The following ADCY8 variants were observed in gnomAD, a reference collection of about 807,000 sequenced individuals.
ADCY8 encodes the protein adenylate cyclase 8.
A neutral mutation model predicts 119.7 loss-of-function variants in ADCY8; 51 were observed. The observed-to-expected ratio is 0.43, with a 90% CI of 0.34 to 0.54. The LOEUF is 0.54. Among genes scored for constraint, ADCY8 ranks in the 20% least tolerant of loss-of-function variants. ADCY8 has a pLI of 0.03. For missense variants in ADCY8, 1,383 were observed against 1,598.8 expected, an observed-to-expected ratio of 0.87 and a Z score of 2.30; for synonymous variants, 665 against 651.0, an observed-to-expected ratio of 1.02 and a Z score of -0.33.
At chr8:131,003,952 A>G (rs1254801486) in intron 1 of ADCY8, among the ~76,000 whole-genome samples, 3 of 152,166 alleles carry the variant, frequency 2.0e-5, no homozygotes, top group Non-Finnish European at 4.4e-5. Flanking sequence ...ATATTTACTT[A>G]TTTACTGCCT....
intron 5 of ADCY8, among the ~76,000 whole-genome samples, chr8:130,910,372 A>G (rs925004288): frequency 6.6e-6 from 1 of 151,978 alleles, no homozygotes; most frequent in Admixed American, 6.5e-5. Flanking sequence ...TCCATTTCCA[A>G]CCAAAATGTC....
At chr8:130,859,665 C>T (rs933379955) in intron 9 of ADCY8, among the ~76,000 whole-genome samples, 2 of 152,098 alleles carry the variant, frequency 1.3e-5, no homozygotes, top group Non-Finnish European at 2.9e-5. Context: ...GTTTTAAAGC[C>T]TGTATATATT....
intron 5 of ADCY8, among the ~76,000 whole-genome samples, chr8:130,920,664 G>A (rs1820274009): frequency 6.6e-6 from 1 of 152,222 alleles, no homozygotes; most frequent in African/African-American, 2.4e-5. Context: ...TTAATTTTAT[G>A]TGTCAATTTG....
chr8:130,844,683 C>T lies in ADCY8; in HGVS notation c.2502+2741G>A, dbSNP rs115855686. On this transcript the variant is annotated intron_variant, in intron 11 of 17. Coordinates refer to ENST00000286355, the MANE Select transcript of ADCY8 (RefSeq NM_001115.3). Reference sequence around the variant, plus strand: ...ATGTGTGCGCACATACACATGCACACGTATATGCACACACACATACATACA... The same window carrying T: ...ATGTGTGCGCACATACACATGCACATGTATATGCACACACACATACATACA... Among the ~76,000 whole-genome samples, 325 of 152,262 alleles carry T rather than the reference C, an allele frequency of 2.1e-3. 2 individuals carry two copies. Among genetic ancestry groups the T allele is most frequent in the African/African-American group, 7.6e-3 (316 of 41,558 alleles).
intron 2 of ADCY8, among the ~76,000 whole-genome samples, chr8:130,986,739 G>T (rs1822413493): frequency 6.6e-6 from 1 of 152,204 alleles, no homozygotes; most frequent in Non-Finnish European, 1.5e-5. Context: ...ATCCAGTGTG[G>T]CATGCTGTTA....
chr8:130,895,491 T>A (rs1279462864), intron 7 of ADCY8, among the ~76,000 whole-genome samples: 1 of 152,140 alleles, frequency 6.6e-6, no homozygotes, highest in South Asian at 2.1e-4. Context: ...AGCAAATGGA[T>A]CCAATTGCCT....
intron 5 of ADCY8, among the ~76,000 whole-genome samples, chr8:130,911,239 T>C (rs1435016391): frequency 1.3e-5 from 2 of 152,232 alleles, no homozygotes; most frequent in Non-Finnish European, 2.9e-5. Context: ...TTTGGAAATG[T>C]TTCCATCTTT....
chr8:131,024,006 A>T (rs1474014364), intron 1 of ADCY8, among the ~76,000 whole-genome samples: 1 of 152,216 alleles, frequency 6.6e-6, no homozygotes, highest in Non-Finnish European at 1.5e-5. Context: ...GATACAGGGC[A>T]AAGAGGTGAT....
At position 131,040,158 on chromosome 8, in the gene ADCY8, C is replaced by T. The variant is rs1355793839; in HGVS notation, c.176G>A (p.Gly59Asp). 1 of 1,533,034 alleles carries T rather than the reference C, an allele frequency of 6.5e-7. No homozygotes were observed. The highest frequency in any genetic ancestry group is 8.7e-7 in the Non-Finnish European group (1 of 1,145,506). The allele number at this position is 1,533,034 out of a possible 1,614,324, so 95.0% of individuals were successfully genotyped here. The change falls in exon 1 of 18, where the codon GGC becomes GAC. Residue 59 changes from glycine (G) to aspartate (D), a missense_variant. By Grantham distance (94) the Gly-to-Asp change is moderately conservative. Around this residue, in one of 2 missense-constraint regions of ADCY8, gnomAD observed 455 missense variants for 435.3 expected, o/e 1.05. Transcript: ENST00000286355. ...TTTGCCCGAGCCTCCACTCCCGCTGCCGCTGCCTCCCCGGTGCCCGTGAAT... is the reference window on the plus strand; with the variant it reads ...TTTGCCCGAGCCTCCACTCCCGCTGTCGCTGCCTCCCCGGTGCCCGTGAAT... ...RFIHGHRGGS[G>D]SGSGGSGKAS... is the part of the protein sequence containing the mutation.
At chr8:130,784,881 C>T (rs527484098) in intron 16 of ADCY8, among the ~76,000 whole-genome samples, 62 of 152,248 alleles carry the variant, frequency 4.1e-4, no homozygotes, top group African/African-American at 1.4e-3. Flanking sequence ...GAGGACTTTA[C>T]TAGATGCAAG....
intron 5 of ADCY8, among the ~76,000 whole-genome samples, chr8:130,912,323 T>C (rs1820006491): frequency 6.6e-6 from 1 of 152,204 alleles, no homozygotes; most frequent in Non-Finnish European, 1.5e-5. Flanking sequence ...GGTTAACACT[T>C]AGCAGGTGTT....
Position 130,997,578 on chromosome 8 carries a change from C to T in ADCY8, c.961-7036G>A, listed in dbSNP as rs554905612. Among the ~76,000 whole-genome samples the T allele has an allele frequency of 3.9e-5, 6 of 152,232 alleles. No homozygotes were observed. The South Asian group carries it at 6.2e-4, about 16-fold the overall frequency. On this transcript the variant is annotated intron_variant, in intron 1 of 17. Transcript: ENST00000286355. ...TGGAACCAATGAGAAAAAAACAATGCAGAAAAGACCATCCAGATAGAGTCT... is the reference window on the plus strand; with the variant it reads ...TGGAACCAATGAGAAAAAAACAATGTAGAAAAGACCATCCAGATAGAGTCT...
chr8:131,000,762 TCG>T (rs1225629793), intron 1 of ADCY8, among the ~76,000 whole-genome samples: 1 of 151,952 alleles, frequency 6.6e-6, no homozygotes, highest in Non-Finnish European at 1.5e-5. Flanking sequence ...AAATCCAGGC[TCG>T]CCACATGCAC....
chr8:130,935,523 C>A (rs1194314826), intron 5 of ADCY8: 1 of 152,430 alleles, frequency 6.6e-6, no homozygotes, highest in Non-Finnish European at 1.5e-5. Flanking sequence ...CAGTCCACCT[C>A]CCTGTGCCTG....
At chr8:130,992,583 T>G (rs1822631480) in intron 1 of ADCY8, among the ~76,000 whole-genome samples, 1 of 151,556 alleles carries the variant, frequency 6.6e-6, no homozygotes, top group Non-Finnish European at 1.5e-5. Context: ...TGTGGCTAAT[T>G]TTTGTATTTT....
chr8:130,894,089 A>G (rs1176765630), intron 7 of ADCY8, among the ~76,000 whole-genome samples: 2 of 151,666 alleles, frequency 1.3e-5, no homozygotes, highest in African/African-American at 4.9e-5. Flanking sequence ...TTTTCAGACC[A>G]CTCTTATACA....
chr8:130,853,335 C>T (rs1817600912), intron 9 of ADCY8, among the ~76,000 whole-genome samples: 1 of 152,204 alleles, frequency 6.6e-6, no homozygotes, highest in Non-Finnish European at 1.5e-5. Flanking sequence ...ACAGATGGCA[C>T]CGTCTCAGGT....
chr8:130,994,679 G>A (rs554767191), intron 1 of ADCY8, among the ~76,000 whole-genome samples: 1 of 152,222 alleles, frequency 6.6e-6, no homozygotes, highest in South Asian at 2.1e-4. Context: ...TGCTTAGTTT[G>A]ACTTCAGTTG....
intron 7 of ADCY8, among the ~76,000 whole-genome samples, chr8:130,890,980 C>A (rs1023206306): frequency 1.3e-5 from 2 of 152,314 alleles, no homozygotes; most frequent in Non-Finnish European, 2.9e-5. Flanking sequence ...CCAGGCTCAG[C>A]AATCTCAAGG....
Sources: gnomAD v4.1 joint callset for allele counts (sites outside exome capture counted in the v4.1 genomes callset) on GRCh38, gnomAD v4.1.1 for gene constraint, gnomAD v4.1.1 regional missense constraint, MANE v1.5 for transcripts, NCBI Gene and HGNC (gene_info 2026-07-23, HGNC 2026-07-21) for gene names.